Variants in STAU2 observed in about 807,000 individuals in gnomAD.
STAU2 encodes the protein double-stranded RNA-binding protein Staufen homolog 2.
STAU2 carries 20 observed loss-of-function variants against 65.9 expected under a neutral mutation model. The ratio of observed to expected loss-of-function variants is 0.30; its 90% CI spans 0.21 to 0.44. STAU2 has a LOEUF of 0.44. Among genes scored for constraint, STAU2 ranks in the 20% least tolerant of loss-of-function variants. The probability of loss-of-function intolerance (pLI) is 1.00; values close to 1 mark genes in which losing one functional copy is unlikely to be tolerated. For missense variants in STAU2, 558 were observed against 683.9 expected (o/e 0.82, Z 2.05); for synonymous variants, 232 against 233.9 (o/e 0.99, Z 0.07).
chr8:73,541,631 T>C (rs1201020824), intron 13 of STAU2, among the ~76,000 whole-genome samples: 1 of 152,094 alleles, frequency 6.6e-6, no homozygotes, highest in Admixed American at 6.6e-5. Flanking sequence ...GGCCCAGCTG[T>C]TGGATTTAGT....
At chr8:73,487,842 T>G (rs942026733) in intron 13 of STAU2, among the ~76,000 whole-genome samples, 8 of 152,038 alleles carry the variant, frequency 5.3e-5, no homozygotes, top group African/African-American at 1.7e-4. Flanking sequence ...AAAATAAATT[T>G]TTATTAGGTA....
chr8:73,609,367 T>C (rs142971647), intron 9 of STAU2, among the ~76,000 whole-genome samples: 1 of 151,794 alleles, frequency 6.6e-6, no homozygotes, highest in African/African-American at 2.4e-5. Context: ...AAAAATTAAA[T>C]AAAGGGCCGG....
intron 3 of STAU2, among the ~76,000 whole-genome samples, chr8:73,725,507 T>C (rs1805560691): frequency 2.6e-5 from 4 of 152,146 alleles, no homozygotes; most frequent in Admixed American, 2.6e-4. Context: ...TTTTAAAAGT[T>C]AAAAATGGGC....
chr8:73,576,897 A>C (rs1466916120), intron 12 of STAU2, among the ~76,000 whole-genome samples: 1 of 152,214 alleles, frequency 6.6e-6, no homozygotes, highest in Admixed American at 6.6e-5. Flanking sequence ...AATTTCTGCA[A>C]GATATTTATC....
chr8:73,685,597 C>T (rs565363832), intron 5 of STAU2, among the ~76,000 whole-genome samples: 13 of 152,028 alleles, frequency 8.6e-5, no homozygotes, highest in African/African-American at 2.9e-4. Flanking sequence ...AGGATGGTCT[C>T]GATCTCCTAA....
Position 73,651,144 on chromosome 8 carries a change from C to T in STAU2, c.410+21963G>A, listed in dbSNP as rs185358769. On this transcript the variant is annotated intron_variant, in intron 6 of 14. Coordinates refer to ENST00000524300, the MANE Select transcript of STAU2 (RefSeq NM_001164380.2). The stretch of plus-strand genomic sequence containing the variant: ...GGCCTGCCGAGGTCTCCCTGGGGAG[C>T]CTCCCTGGCCCGGACCAGGCATCGG... 3 of 1,277,528 alleles carry T rather than the reference C, an allele frequency of 2.3e-6. No individual in the cohort carries two copies. The East Asian group carries it at 7.6e-5, about 32-fold the overall frequency. The allele number at this position is 1,277,528 out of a possible 1,614,324, so 79.1% of individuals were successfully genotyped here.
rs1476229150 is a variant in STAU2, at chr8:73,552,158, C to T, written c.1384G>A (p.Ala462Thr). ...ATAAGGAGTTCCCTGGCAATTGTAGCTGAACTATTCGATGTGGGAGATATA... is the reference window on the plus strand; with the variant it reads ...ATAAGGAGTTCCCTGGCAATTGTAGTTGAACTATTCGATGTGGGAGATATA... ...FSISPTSNSS[A>T]TIARELLMNG... is the part of the protein sequence containing the mutation. The change falls in exon 13 of 15, where the codon GCT becomes ACT. Residue 462 changes from alanine to threonine, a missense_variant. By Grantham distance (58) the Ala-to-Thr change is moderately conservative (BLOSUM62 0). Around this residue, in one of 3 missense-constraint regions of STAU2, gnomAD observed 247 missense variants for 270.1 expected, o/e 0.91. Coordinates refer to ENST00000524300, the MANE Select transcript of STAU2 (RefSeq NM_001164380.2). The T allele has an allele frequency of 6.2e-7, 1 of 1,613,864 alleles. No homozygotes were observed. The highest frequency in any genetic ancestry group is 8.5e-7 in the Non-Finnish European group (1 of 1,179,894).
rs147441360 is a variant in STAU2 at position 73,532,340 on chromosome 8, C to T, written c.1530+19672G>A. On this transcript the variant is annotated intron_variant, in intron 13 of 14. Transcript: ENST00000524300. ...CTTGTGCGGGGAACGTGCACCTGTACAGAAACTCCATTAAGCCTCCCCTTT... is the reference window on the plus strand; with the variant it reads ...CTTGTGCGGGGAACGTGCACCTGTATAGAAACTCCATTAAGCCTCCCCTTT... 1.2e-3 allele frequency among the ~76,000 whole-genome samples: 186 copies of T among 152,288 alleles called. 1 individual carries two copies. The highest frequency in any genetic ancestry group is 2.0e-3 in the Non-Finnish European group (134 of 68,018).
chr8:73,552,347 T>C (rs971251272), intron 12 of STAU2, 28 bp from the exon 13 acceptor site: 5 of 1,573,560 alleles, frequency 3.2e-6, no homozygotes, highest in African/African-American at 2.7e-5. Context: ...AACACTGTTA[T>C]TACACTTAAA....
In STAU2 at chr8:73,738,307, G is replaced by T. The variant is rs757734823; in HGVS notation, c.-41C>A. 1.7e-5 allele frequency: 27 copies of T among 1,606,892 alleles called. 2 individuals are homozygous for T. The South Asian group carries it at 3.0e-4, about 18-fold the overall frequency. ...ACCTGATTTATTTGAAGCATGTTAA[G>T]ACAATATTGACCAAACTGCTGTATC... On this transcript the variant is annotated 5_prime_UTR_variant, in exon 3 of 15. Coordinates refer to ENST00000524300, the MANE Select transcript of STAU2 (RefSeq NM_001164380.2).
intron 13 of STAU2, among the ~76,000 whole-genome samples, chr8:73,494,849 AC>A (rs1821321184): frequency 6.8e-6 from 1 of 146,540 alleles, no homozygotes; most frequent in Non-Finnish European, 1.5e-5. Flanking sequence ...AGTTTTGTTA[AC>A]AAATAACATT....
chr8:73,437,653 G>A (rs1411478796), intron 13 of STAU2, among the ~76,000 whole-genome samples: 1 of 152,184 alleles, frequency 6.6e-6, no homozygotes, highest in Non-Finnish European at 1.5e-5. Flanking sequence ...ATCTTTTTAA[G>A]GGGGACTGAA....
At chr8:73,585,256 G>T (rs1489637344) in intron 11 of STAU2, among the ~76,000 whole-genome samples, 1 of 152,216 alleles carries the variant, frequency 6.6e-6, no homozygotes, top group African/African-American at 2.4e-5. Context: ...CGAGGCGAGC[G>T]GCTCACCTGA....
chr8:73,483,802 T>G (rs764972547), intron 13 of STAU2, among the ~76,000 whole-genome samples: 1 of 152,142 alleles, frequency 6.6e-6, no homozygotes, highest in Non-Finnish European at 1.5e-5. Flanking sequence ...GTGTGATTGA[T>G]ACGCAGGACT....
Position 73,537,849 on chromosome 8 carries a change from T to C in STAU2, c.1530+14163A>G, listed in dbSNP as rs140536352. Among the ~76,000 whole-genome samples the C allele has an allele frequency of 5.9e-5, 9 of 152,310 alleles. No homozygotes were observed. In the East Asian group the frequency reaches 1.7e-3, roughly 29 times the overall value. Reference sequence around the variant, plus strand: ...TATTTGACATTTGAAGTAAACACTATAGCACTGTCTAATGTGGTTCTAAAA... The same window carrying C: ...TATTTGACATTTGAAGTAAACACTACAGCACTGTCTAATGTGGTTCTAAAA... On this transcript the variant is annotated intron_variant, in intron 13 of 14. Coordinates refer to ENST00000524300, the MANE Select transcript of STAU2 (RefSeq NM_001164380.2).
At chr8:73,694,472 C>T (rs1476002186) in intron 4 of STAU2, among the ~76,000 whole-genome samples, 1 of 152,086 alleles carries the variant, frequency 6.6e-6, no homozygotes, top group African/African-American at 2.4e-5. Flanking sequence ...GAATTCAGAC[C>T]ACACACAAAG....
chr8:73,422,192 C>T (rs1159841357), intron 14 of STAU2, among the ~76,000 whole-genome samples: 15 of 152,140 alleles, frequency 9.9e-5, no homozygotes, highest in Admixed American at 9.2e-4. Context: ...AGGGGAGGGG[C>T]GCCTCCTCTC....
intron 5 of STAU2, among the ~76,000 whole-genome samples, chr8:73,678,478 C>T (rs898294663): frequency 2.0e-5 from 3 of 152,158 alleles, no homozygotes; most frequent in East Asian, 1.9e-4. Context: ...GCCTACTTTT[C>T]GGTCAAGGCC....
rs1817802311 is a variant in STAU2, at chr8:73,673,160, C to T, written c.357G>A (p.Lys119=). ...EPAIYRPLDP[K]PFPNYRANYN... ...AATTAGCTCTATAATTTGGGAATGGCTTTGGATCTAATGGCCTGTAGATGG... is the reference window on the plus strand; with the variant it reads ...AATTAGCTCTATAATTTGGGAATGGTTTTGGATCTAATGGCCTGTAGATGG... Residue 119 remains lysine (K), a synonymous_variant, in exon 6 of 15, where the codon AAG becomes AAA. Transcript: ENST00000524300. 6.2e-7 allele frequency: 1 copy of T among 1,603,626 alleles called. No homozygotes were observed. Among genetic ancestry groups the T allele is most frequent in the South Asian group, 1.1e-5 (1 of 89,768 alleles).
Sources: allele counts gnomAD v4.1 joint callset (sites outside exome capture counted in the v4.1 genomes callset), GRCh38; gene constraint gnomAD v4.1.1; regional missense constraint gnomAD v4.1.1; transcripts MANE v1.5; gene names NCBI Gene and HGNC (gene_info 2026-07-23, HGNC 2026-07-21).